The following NCAPD3 variants were observed in gnomAD, a reference collection of about 807,000 sequenced individuals.
NCAPD3 encodes non-SMC condensin II complex subunit D3.
NCAPD3 carries 105 observed loss-of-function variants against 182.9 expected under a neutral mutation model. The observed-to-expected ratio is 0.57, with a 90% CI of 0.49 to 0.68. The LOEUF (loss-of-function observed/expected upper bound fraction) is 0.68. Ranked by LOEUF, NCAPD3 falls within the 30% of genes least tolerant of loss-of-function variation. The pLI is 0.00. For synonymous variants in NCAPD3, 815 were observed against 679.9 expected (o/e 1.20, Z -3.09); for missense variants, 1,944 against 1,837.0 (o/e 1.06, Z -1.07).
chr11:134,188,266 A>G (rs566017233), intron 16 of NCAPD3, among the ~76,000 whole-genome samples: 1 of 152,012 alleles, frequency 6.6e-6, no homozygotes, highest in East Asian at 1.9e-4. Flanking sequence ...AAATGTACCA[A>G]TCAGCACTCT....
At chr11:134,223,628 G>A (rs112549173) in intron 1 of NCAPD3, 11,579 of 653,446 alleles carry the variant, frequency 0.018, 562 homozygotes, top group African/African-American at 0.13. Flanking sequence ...ACAGGCGCTA[G>A]AAGAGACTGG....
chr11:134,218,109 A>G (rs1461101319), intron 2 of NCAPD3, among the ~76,000 whole-genome samples: 1 of 59,744 alleles, frequency 1.7e-5, no homozygotes, highest in Non-Finnish European at 3.4e-5. Flanking sequence ...AAAAAAAAAA[A>G]AGGGGGGGGG....
At chr11:134,155,152 G>A (rs1943385413) in intron 32 of NCAPD3, among the ~76,000 whole-genome samples, 1 of 152,150 alleles carries the variant, frequency 6.6e-6, no homozygotes, top group African/African-American at 2.4e-5. Context: ...AACCCCCACA[G>A]ATTTTCAGTT....
chr11:134,175,390 C>T (rs1944137792), intron 24 of NCAPD3, among the ~76,000 whole-genome samples: 2 of 152,186 alleles, frequency 1.3e-5, no homozygotes, highest in Admixed American at 6.5e-5. Context: ...AGGTGACAGC[C>T]TTAGCTTTTT....
intron 12 of NCAPD3, 114 bp downstream of exon 12, chr11:134,203,028 G>GA: frequency 8.5e-7 from 1 of 1,171,490 alleles, no homozygotes; most frequent in Non-Finnish European, 1.2e-6. Context: ...CCTCTCTCAT[G>GA]AAAAAAGTAC....
intron 16 of NCAPD3, 30 bp from the exon 17 acceptor site, chr11:134,185,556 T>C (rs772147654): frequency 1.8e-5 from 28 of 1,535,010 alleles, no homozygotes; most frequent in East Asian, 4.5e-5. Flanking sequence ...AAAAGCAGAA[T>C]TGCAACTGTA....
intron 8 of NCAPD3, among the ~76,000 whole-genome samples, chr11:134,205,490 C>T: frequency 6.6e-6 from 1 of 151,902 alleles, no homozygotes. Flanking sequence ...AGAGTTTCTC[C>T]TGCCTCAGCC....
chr11:134,169,352 A>C (rs1406375077), intron 24 of NCAPD3, among the ~76,000 whole-genome samples: 1 of 152,194 alleles, frequency 6.6e-6, no homozygotes, highest in Non-Finnish European at 1.5e-5. Context: ...AAAGTAATCG[A>C]CCAACTGAAC....
intron 2 of NCAPD3, among the ~76,000 whole-genome samples, chr11:134,218,195 G>A (rs569472820): frequency 4.0e-5 from 6 of 149,862 alleles, no homozygotes; most frequent in African/African-American, 9.9e-5. Flanking sequence ...CTTCACACAC[G>A]AGGGTGATCG....
At position 134,173,996 on chromosome 11, in the gene NCAPD3, AAAAC is replaced by A. The variant is rs750353965; in HGVS notation, c.3101+2307_3101+2310del. 4.1e-4 allele frequency among the ~76,000 whole-genome samples: 63 copies of A among 152,062 alleles called. 1 individual carries two copies. The highest frequency in any genetic ancestry group is 3.4e-3 in the Middle Eastern group (1 of 294). On this transcript the variant is annotated intron_variant, in intron 24 of 34. Transcript: ENST00000534548. Reference sequence around the variant, plus strand: ...AGAAAACAAACAAAAAAACAAAACAAAAACAAAACCCAGAACCTCTAAGAAAAAA... The same window carrying A: ...AGAAAACAAACAAAAAAACAAAACAAAAAACCCAGAACCTCTAAGAAAAAA...
intron 2 of NCAPD3, among the ~76,000 whole-genome samples, chr11:134,220,270 C>T (rs1938178709): frequency 6.6e-6 from 1 of 151,486 alleles, no homozygotes; most frequent in Non-Finnish European, 1.5e-5. Flanking sequence ...ACTGGCCAGC[C>T]TCAGCCTCTC....
intron 30 of NCAPD3, 21 bp downstream of exon 30, chr11:134,158,308 T>G: frequency 6.2e-7 from 1 of 1,613,274 alleles, no homozygotes; most frequent in East Asian, 2.2e-5. Flanking sequence ...AGCCCTGATG[T>G]GGCCTCCAGG....
At chr11:134,220,809 G>A in intron 1 of NCAPD3, 83 bp from the exon 2 acceptor site, 1 of 1,354,962 alleles carries the variant, frequency 7.4e-7, no homozygotes, top group African/African-American at 1.5e-5. Flanking sequence ...GTGTGTTCAA[G>A]AGGAGAAAAG....
chr11:134,198,079 G>A (rs1944674512), intron 13 of NCAPD3, among the ~76,000 whole-genome samples: 1 of 152,150 alleles, frequency 6.6e-6, no homozygotes, highest in Non-Finnish European at 1.5e-5. Context: ...TTCCTCCTCA[G>A]CCAGGGCACT....
chr11:134,184,849 AC>A (rs1479644813), intron 18 of NCAPD3, 53 bp downstream of exon 18: 4 of 1,376,908 alleles, frequency 2.9e-6, no homozygotes, highest in Non-Finnish European at 4.1e-6. Context: ...ACACACACAC[AC>A]CTGAAATGAA....
rs1261817793 is a variant in NCAPD3, at chr11:134,157,930, T to C, written c.4172A>G (p.Gln1391Arg). The part of the protein sequence containing the change: ...NSGSPEKTCS[Q>R]VSSYSLEQES... The stretch of plus-strand genomic sequence containing the variant: ...CTGGCACCAAACATAAGGCTTACCC[T>C]GACTGCACGTTTTTTCTGGGCTTCC... The change falls in exon 31 of 35, where the codon CAG (glutamine) becomes CGG (arginine). Residue 1391 changes from glutamine (Q) to arginine (R), a missense_variant and splice_region_variant. By Grantham distance (43) the Gln-to-Arg change is conservative. Around this residue, in one of 3 missense-constraint regions of NCAPD3, gnomAD observed 1,803 missense variants for 1,674.6 expected, o/e 1.08. Coordinates refer to ENST00000534548, the MANE Select transcript of NCAPD3 (RefSeq NM_015261.3). 1.9e-6 allele frequency: 3 copies of C among 1,613,438 alleles called. No homozygotes were observed. Among genetic ancestry groups the C allele is most frequent in the Non-Finnish European group, 8.5e-7 (1 of 1,179,656 alleles).
intron 19 of NCAPD3, among the ~76,000 whole-genome samples, chr11:134,184,255 C>T (rs1250879273): frequency 6.6e-6 from 1 of 152,208 alleles, no homozygotes; most frequent in Non-Finnish European, 1.5e-5. Context: ...AGGTCAGAAA[C>T]CTGTTCTGGA....
chr11:134,163,272 A>C (rs1383684597), intron 27 of NCAPD3, among the ~76,000 whole-genome samples: 3 of 152,172 alleles, frequency 2.0e-5, no homozygotes, highest in Non-Finnish European at 4.4e-5. Flanking sequence ...ATGAGCTTTG[A>C]CAAAAGTCTA....
At chr11:134,198,515 C>T (rs900745252) in intron 13 of NCAPD3, among the ~76,000 whole-genome samples, 3 of 152,274 alleles carry the variant, frequency 2.0e-5, no homozygotes, top group African/African-American at 7.2e-5. Context: ...TTCTCAGGAC[C>T]TCCTGAGGGC....
Sources: gnomAD v4.1 joint callset for allele counts (sites outside exome capture counted in the v4.1 genomes callset) on GRCh38, gnomAD v4.1.1 for gene constraint, gnomAD v4.1.1 regional missense constraint, MANE v1.5 for transcripts, NCBI Gene and HGNC (gene_info 2026-07-23, HGNC 2026-07-21) for gene names.